The following MECOM variants were observed in gnomAD, a reference collection of about 807,000 sequenced individuals.
MECOM encodes histone-lysine N-methyltransferase MECOM.
In MECOM, 13 loss-of-function variants were observed where a neutral mutation model predicts 116.3. The ratio of observed to expected loss-of-function variants is 0.11; its 90% confidence interval spans 0.07 to 0.18. MECOM has a LOEUF of 0.18. Among genes scored for constraint, MECOM ranks in the 10% least tolerant of loss-of-function variants. The pLI is 1.00. For synonymous variants in MECOM, 528 were observed against 535.2 expected (o/e 0.99, Z 0.19); for missense variants, 1,299 against 1,509.0 (o/e 0.86, Z 2.31).
At chr3:169,352,115 G>T (rs1298969279) in intron 2 of MECOM, among the ~76,000 whole-genome samples, 1 of 151,764 alleles carries the variant, frequency 6.6e-6, no homozygotes, top group African/African-American at 2.4e-5. Context: ...GCTAAAACAG[G>T]GAAAGGAGAA....
chr3:169,612,418 T>C (rs559900477), intron 1 of MECOM, among the ~76,000 whole-genome samples: 44 of 152,280 alleles, frequency 2.9e-4, no homozygotes, highest in African/African-American at 9.6e-4. Flanking sequence ...ATGTCTCACT[T>C]TTGGCAAAAA....
At chr3:169,578,376 C>G (rs1764751808) in intron 1 of MECOM, among the ~76,000 whole-genome samples, 1 of 152,074 alleles carries the variant, frequency 6.6e-6, no homozygotes, top group Admixed American at 6.6e-5. Context: ...CACACCTTTC[C>G]AAACCACTTT....
intron 2 of MECOM, among the ~76,000 whole-genome samples, chr3:169,289,315 A>G (rs1370149933): frequency 6.6e-6 from 1 of 152,198 alleles, no homozygotes; most frequent in Non-Finnish European, 1.5e-5. Flanking sequence ...TGTTCTGCTC[A>G]CTAACCTGTA....
At chr3:169,352,152 CT>C (rs1166179167) in intron 2 of MECOM, among the ~76,000 whole-genome samples, 1 of 151,724 alleles carries the variant, frequency 6.6e-6, no homozygotes, top group Non-Finnish European at 1.5e-5. Context: ...CGTTTTGTTT[CT>C]TTTACATTTC....
intron 2 of MECOM, among the ~76,000 whole-genome samples, chr3:169,272,904 G>A (rs1292188808): frequency 6.6e-6 from 1 of 152,186 alleles, no homozygotes; most frequent in East Asian, 1.9e-4. Flanking sequence ...CATCTGGTGA[G>A]GGCAGAGGAG....
intron 7 of MECOM, among the ~76,000 whole-genome samples, chr3:169,118,308 C>T (rs1729831495): frequency 6.6e-6 from 1 of 152,086 alleles, no homozygotes; most frequent in African/African-American, 2.4e-5. Flanking sequence ...GGATGAATCA[C>T]AACGTTACAG....
At chr3:169,151,523 A>T (rs1271010560) in intron 2 of MECOM, among the ~76,000 whole-genome samples, 1 of 152,184 alleles carries the variant, frequency 6.6e-6, no homozygotes, top group Non-Finnish European at 1.5e-5. Context: ...GCTTTTCAAG[A>T]ACGTACATGT....
chr3:169,504,467 A>G (rs768004918), intron 1 of MECOM, among the ~76,000 whole-genome samples: 2 of 152,172 alleles, frequency 1.3e-5, no homozygotes, highest in African/African-American at 2.4e-5. Context: ...AGTCTTTTTA[A>G]TATCTTGAAA....
intron 1 of MECOM, among the ~76,000 whole-genome samples, chr3:169,544,203 G>A (rs1760442134): frequency 1.3e-5 from 2 of 152,206 alleles, no homozygotes; most frequent in Admixed American, 6.5e-5. Flanking sequence ...ATCCCAGCTA[G>A]AATTGTTTAC....
chr3:169,187,173 G>T (rs779751138), intron 2 of MECOM, among the ~76,000 whole-genome samples: 1 of 152,122 alleles, frequency 6.6e-6, no homozygotes, highest in African/African-American at 2.4e-5. Flanking sequence ...CATGGTAGAA[G>T]TTTCAAATTC....
rs192120677 is a variant in MECOM, at chr3:169,427,669, C to T, written c.38-46145G>A. On this transcript the variant is annotated intron_variant, in intron 1 of 16. Coordinates refer to ENST00000651503, the MANE Select transcript of MECOM (RefSeq NM_004991.4). ...ATCTCTTGTACAGAAGATGGAATCA[C>T]GAGGGAGAGAATATTTATTAAAATA... 1.6e-4 allele frequency among the ~76,000 whole-genome samples: 24 copies of T among 152,246 alleles called. No homozygotes were observed. In the South Asian group the frequency reaches 3.1e-3, roughly 20 times the overall value.
intron 1 of MECOM, among the ~76,000 whole-genome samples, chr3:169,636,828 G>T (rs533189964): frequency 6.6e-6 from 1 of 152,120 alleles, no homozygotes; most frequent in East Asian, 1.9e-4. Context: ...GAGCAAACAC[G>T]AACAACCTCT....
At chr3:169,394,995 T>G (rs929674290) in intron 1 of MECOM, among the ~76,000 whole-genome samples, 13 of 152,208 alleles carry the variant, frequency 8.5e-5, no homozygotes, top group Non-Finnish European at 1.9e-4. Context: ...GGAAAAGAAG[T>G]GTATTATAAA....
chr3:169,299,172 C>G (rs915499913), intron 2 of MECOM, among the ~76,000 whole-genome samples: 10 of 152,048 alleles, frequency 6.6e-5, no homozygotes, highest in Admixed American at 4.6e-4. Context: ...CAATTTCCAC[C>G]TATAGTCATT....
chr3:169,445,547 G>T (rs187466567), intron 1 of MECOM, among the ~76,000 whole-genome samples: 2 of 152,324 alleles, frequency 1.3e-5, no homozygotes, highest in Admixed American at 1.3e-4. Flanking sequence ...CAGGGACGGG[G>T]CCCTCATGGA....
At chr3:169,333,633 AT>A (rs1723102993) in intron 2 of MECOM, among the ~76,000 whole-genome samples, 1 of 152,244 alleles carries the variant, frequency 6.6e-6, no homozygotes, top group African/African-American at 2.4e-5. Context: ...ACAAATTTTA[AT>A]TTTTTAACTT....
At chr3:169,528,251 G>T (rs903460175) in intron 1 of MECOM, among the ~76,000 whole-genome samples, 3 of 152,148 alleles carry the variant, frequency 2.0e-5, no homozygotes, top group Admixed American at 2.0e-4. Flanking sequence ...ATATATACAA[G>T]AGAGGACATC....
intron 2 of MECOM, among the ~76,000 whole-genome samples, chr3:169,342,043 A>G (rs1157288753): frequency 1.3e-5 from 2 of 152,022 alleles, no homozygotes; most frequent in Admixed American, 1.3e-4. Flanking sequence ...AGTTTTCACC[A>G]CTCAAAATAG....
intron 2 of MECOM, among the ~76,000 whole-genome samples, chr3:169,213,662 G>A (rs150520525): frequency 8.5e-5 from 13 of 152,112 alleles, no homozygotes; most frequent in Middle Eastern, 6.8e-3. Context: ...AACCTAGCTG[G>A]CCCTTAAACA....
Sources: allele counts gnomAD v4.1 joint callset (sites outside exome capture counted in the v4.1 genomes callset), GRCh38; gene constraint gnomAD v4.1.1; transcripts MANE v1.5; gene names NCBI Gene and HGNC (gene_info 2026-07-23, HGNC 2026-07-21).